The following SPOCK2 variants were observed in gnomAD, a reference collection of about 807,000 sequenced individuals.
The protein encoded by SPOCK2 is SPARC (osteonectin), cwcv and kazal like domains proteoglycan 2, also known as testican-2.
Under a neutral mutation model 60.1 loss-of-function variants are expected in SPOCK2, and 39 were observed. That is an observed-to-expected ratio of 0.65 (90% confidence interval 0.50 to 0.85). The LOEUF is 0.85. SPOCK2 is among the 40% of genes least tolerant of loss of function. The pLI is 0.00. For synonymous variants in SPOCK2, 217 were observed against 231.5 expected (o/e 0.94, Z 0.57); for missense variants, 523 against 567.4 (o/e 0.92, Z 0.80).
At chr10:72,078,506 G>A (rs1245559) in intron 1 of SPOCK2, among the ~76,000 whole-genome samples, 81,968 of 151,230 alleles carry the variant, frequency 0.54, 22,390 homozygotes, top group African/African-American at 0.61. Flanking sequence ...GTGAGACTCC[G>A]TCTCAAAAAA....
At chr10:72,072,800 T>G in intron 2 of SPOCK2, 102 bp downstream of exon 2, 2 of 1,524,302 alleles carry the variant, frequency 1.3e-6, no homozygotes, top group Non-Finnish European at 1.8e-6. Context: ...CACTGGAGGC[T>G]GGCAGGGAAG....
At chr10:72,064,695 C>A (rs1373590669) in intron 8 of SPOCK2, among the ~76,000 whole-genome samples, 1 of 152,016 alleles carries the variant, frequency 6.6e-6, no homozygotes, top group African/African-American at 2.4e-5. Flanking sequence ...TTTACTGTAC[C>A]TTTTCTATGC....
At chr10:72,067,206 C>T (rs1331453159) in intron 7 of SPOCK2, 86 bp from the exon 8 acceptor site, 1 of 1,360,506 alleles carries the variant, frequency 7.4e-7, no homozygotes, top group East Asian at 2.5e-5. Context: ...GCCATCAGCC[C>T]CAGCCCTCTA....
At chr10:72,081,238 C>T (rs748863484) in intron 1 of SPOCK2, among the ~76,000 whole-genome samples, 1 of 152,196 alleles carries the variant, frequency 6.6e-6, no homozygotes, top group Non-Finnish European at 1.5e-5. Flanking sequence ...GGATTCTGCT[C>T]CCCCAGTTCT....
At chr10:72,082,972 G>A (rs926768677) in intron 1 of SPOCK2, among the ~76,000 whole-genome samples, 4 of 149,838 alleles carry the variant, frequency 2.7e-5, no homozygotes, top group Admixed American at 6.6e-5. Flanking sequence ...GTCTGCCAGC[G>A]TCCTGATCTT....
intron 4 of SPOCK2, 79 bp from the exon 5 acceptor site, chr10:72,070,505 C>T (rs567553476): frequency 1.5e-6 from 2 of 1,378,082 alleles, no homozygotes; most frequent in South Asian, 2.4e-5. Context: ...CTGAGCAGAC[C>T]TGTTCCAACA....
At chr10:72,086,803 C>A (rs1382842461) in intron 1 of SPOCK2, 124 of 1,518,382 alleles carry the variant, frequency 8.2e-5, no homozygotes, top group Non-Finnish European at 1.1e-4. Flanking sequence ...TGGGGAGAAA[C>A]AGTCACTTGT....
At chr10:72,064,435 G>C (rs1840540643) in intron 8 of SPOCK2, among the ~76,000 whole-genome samples, 195 bp from the exon 9 acceptor site, 1 of 152,154 alleles carries the variant, frequency 6.6e-6, no homozygotes, top group African/African-American at 2.4e-5. Context: ...CTCTATTTAG[G>C]GGAGCTCATT....
chr10:72,064,353 C>G, intron 8 of SPOCK2, 113 bp from the exon 9 acceptor site: 1 of 1,195,092 alleles, frequency 8.4e-7, no homozygotes, highest in Non-Finnish European at 1.1e-6. Context: ...GAAAACACCC[C>G]GTTTCTGACA....
chr10:72,081,306 C>T (rs750249076), intron 1 of SPOCK2, among the ~76,000 whole-genome samples: 14 of 152,216 alleles, frequency 9.2e-5, no homozygotes, highest in Non-Finnish European at 1.6e-4. Context: ...TCAGAGACTT[C>T]GCGTCCTCTG....
intron 7 of SPOCK2, 56 bp downstream of exon 7, chr10:72,067,557 C>T: frequency 6.2e-7 from 1 of 1,604,520 alleles, no homozygotes; most frequent in Admixed American, 1.7e-5. Flanking sequence ...ACACCTGTGT[C>T]CTCAGCCCCT....
Position 72,068,209 on chromosome 10 carries a change from G to A in SPOCK2, c.567C>T (p.Thr189=), listed in dbSNP as rs1406822075. The change falls in exon 6 of 11, where the codon ACC becomes ACT. Residue 189 remains threonine (T), a synonymous_variant. Coordinates refer to ENST00000373109, the MANE Select transcript of SPOCK2 (RefSeq NM_001244950.2). ...CACCTGGTTTGCCATCGGCGGTGGA[G>A]GTGGCAGCCTGCTCCGTGGGGCAGG... ...PCPCPTEQAA[T]STADGKPETC... 1.9e-6 allele frequency: 3 copies of A among 1,607,872 alleles called. 1 individual carries two copies. Among genetic ancestry groups the A allele is most frequent in the South Asian group, 2.2e-5 (2 of 90,282 alleles).
chr10:72,088,330 G>C lies in SPOCK2; in HGVS notation c.-2C>G, dbSNP rs1186141395. On this transcript the variant is annotated 5_prime_UTR_variant, in exon 1 of 11. Coordinates refer to ENST00000373109, the MANE Select transcript of SPOCK2 (RefSeq NM_001244950.2). The stretch of plus-strand genomic sequence containing the variant: ...CCGCCCGCAGCCCGGGGCGCGCATC[G>C]TGGTCTGGGTTCGACCTGGGGGGGT... 3 of 1,558,096 alleles carry C rather than the reference G, an allele frequency of 1.9e-6. No homozygotes were observed. In the South Asian group the frequency reaches 3.5e-5, roughly 18 times the overall value.
intron 1 of SPOCK2, among the ~76,000 whole-genome samples, chr10:72,085,920 G>C (rs190279593): frequency 1.5e-3 from 226 of 152,190 alleles, no homozygotes; most frequent in Non-Finnish European, 2.7e-3. Context: ...GTACTGTCTG[G>C]GCACTGCACA....
chr10:72,081,766 C>A (rs1840786892), intron 1 of SPOCK2, among the ~76,000 whole-genome samples: 1 of 152,200 alleles, frequency 6.6e-6, no homozygotes, highest in Non-Finnish European at 1.5e-5. Flanking sequence ...TTGTCCCAAC[C>A]TTTTGGGGTT....
At position 72,062,645 on chromosome 10, in the gene SPOCK2, C is replaced by G. The variant is rs1404795114; in HGVS notation, c.*115G>C. The stretch of plus-strand genomic sequence containing the variant: ...CCATGCACACTCACACTCCCAGTCC[C>G]CCCAGGTGGAGCAGGGTCCTTCTGA... On this transcript the variant is annotated 3_prime_UTR_variant, in exon 11 of 11. Coordinates refer to ENST00000373109, the MANE Select transcript of SPOCK2 (RefSeq NM_001244950.2). This position sits in a 1 kb window ranked among gnomAD's most constrained non-coding sequence, Gnocchi z 4.3. The G allele has an allele frequency of 1.7e-5, 26 of 1,506,710 alleles. No individual in the cohort carries two copies. In the East Asian group the frequency reaches 5.7e-4, roughly 33 times the overall value. 93.3% of individuals were successfully genotyped at this position (1,506,710 alleles called of 1,614,324 possible). A position where few individuals can be genotyped will look rare whatever the true frequency, so the allele number is the denominator to read the frequency against.
rs971366006 is a variant in SPOCK2 at position 72,087,593 on chromosome 10, G to GC, written c.189+546dup. ...AGGCTGCTGGGACCCCAGACCCAGA[G>GC]CCCCGGTCACACTCCCGTCCCATGC... On this transcript the variant is annotated intron_variant, in intron 1 of 10. Transcript: ENST00000373109. The surrounding 1 kb of genome is among the most constrained non-coding windows in gnomAD (Gnocchi z 4.7). Among the ~76,000 whole-genome samples the GC allele has an allele frequency of 4.7e-4, 72 of 152,300 alleles. 1 individual carries two copies. Among genetic ancestry groups the GC allele is most frequent in the African/African-American group, 1.6e-3 (67 of 41,578 alleles).
Position 72,069,233 on chromosome 10 carries a change from G to A in SPOCK2, c.475-932C>T, listed in dbSNP as rs116090445. On this transcript the variant is annotated intron_variant, in intron 5 of 10. Coordinates refer to ENST00000373109, the MANE Select transcript of SPOCK2 (RefSeq NM_001244950.2). ...ACCTCCTAAATGCAGCCTCTGCCCTGGCCTCTTGCTCATTCTCTCTCTCCT... is the reference window on the plus strand; with the variant it reads ...ACCTCCTAAATGCAGCCTCTGCCCTAGCCTCTTGCTCATTCTCTCTCTCCT... 335 of 154,652 alleles carry A rather than the reference G, an allele frequency of 2.2e-3. 1 individual carries two copies. The highest frequency in any genetic ancestry group is 7.7e-3 in the African/African-American group (319 of 41,512). The allele number at this position is 154,652 out of a possible 1,614,324, so 9.6% of individuals were successfully genotyped here. A position where few individuals can be genotyped will look rare whatever the true frequency, so the allele number is the denominator to read the frequency against.
intron 1 of SPOCK2, among the ~76,000 whole-genome samples, chr10:72,074,762 C>T (rs1047882685): frequency 3.3e-5 from 5 of 152,282 alleles, no homozygotes; most frequent in African/African-American, 1.2e-4. Flanking sequence ...GAGCCCACGG[C>T]GGCTCTCTCC....
Sources: allele counts gnomAD v4.1 joint callset (sites outside exome capture counted in the v4.1 genomes callset), GRCh38; gene constraint gnomAD v4.1.1; non-coding constraint Gnocchi (gnomAD v3.1); transcripts MANE v1.5; gene names NCBI Gene and HGNC (gene_info 2026-07-23, HGNC 2026-07-21).